RUNDC3B: variants seen among roughly 807,000 people sequenced by gnomAD.
RUNDC3B encodes the protein RUN domain-containing protein 3B.
In RUNDC3B, 33 loss-of-function variants were observed where a neutral mutation model predicts 58.4. That is an observed-to-expected ratio of 0.56 (90% CI 0.43 to 0.75). RUNDC3B has a LOEUF of 0.75. RUNDC3B is among the 30% of genes least tolerant of loss of function. The pLI is 0.00. For synonymous variants in RUNDC3B, 193 were observed against 195.2 expected, an observed-to-expected ratio of 0.99 and a Z score of 0.10; for missense variants, 501 against 535.7, an observed-to-expected ratio of 0.94 and a Z score of 0.64.
chr7:87,766,205 C>T (rs560727356), intron 6 of RUNDC3B, among the ~76,000 whole-genome samples: 11 of 152,010 alleles, frequency 7.2e-5, no homozygotes, highest in Non-Finnish European at 1.2e-4. Flanking sequence ...GGTGGGTCTT[C>T]GAAGATGGTT....
At chr7:87,769,239 G>A (rs1034969883) in intron 6 of RUNDC3B, among the ~76,000 whole-genome samples, 13 of 150,102 alleles carry the variant, frequency 8.7e-5, no homozygotes, top group African/African-American at 2.9e-4. Context: ...TTGAACTTCT[G>A]GCCTCAAGTG....
chr7:87,794,982 C>T (rs1473765387), intron 8 of RUNDC3B, among the ~76,000 whole-genome samples: 1 of 152,132 alleles, frequency 6.6e-6, no homozygotes, highest in Non-Finnish European at 1.5e-5. Context: ...CAAAATCAGT[C>T]AAAGACTTAA....
chr7:87,689,354 T>A (rs1167185303), intron 2 of RUNDC3B, among the ~76,000 whole-genome samples: 1 of 152,116 alleles, frequency 6.6e-6, no homozygotes, highest in Non-Finnish European at 1.5e-5. Flanking sequence ...CATTTCCAGT[T>A]TGACCTTGTG....
chr7:87,778,073 C>A, intron 8 of RUNDC3B, 118 bp downstream of exon 8: 1 of 800,652 alleles, frequency 1.2e-6, no homozygotes, highest in Non-Finnish European at 1.9e-6. Context: ...TTCTTTTTCA[C>A]CTACACTTTT....
Position 87,807,493 on chromosome 7 carries a change from C to T in RUNDC3B, c.1077C>T (p.Tyr359=). The T allele has an allele frequency of 6.2e-7, 1 of 1,613,506 alleles. No individual in the cohort carries two copies. ...VNAVALDTLL[Y]RKHNKQWYEK... ...CTGTTGCCTTGGATACGTTGCTTTA[C>T]CGAAAACACAATAAACAGTGGTATG... Residue 359 remains tyrosine (Y), a synonymous_variant, in exon 9 of 11, where the codon TAC becomes TAT. Coordinates refer to ENST00000394654, the MANE Select transcript of RUNDC3B (RefSeq NM_001134405.2).
intron 8 of RUNDC3B, among the ~76,000 whole-genome samples, chr7:87,794,174 C>T (rs964305419): frequency 3.3e-5 from 5 of 152,166 alleles, no homozygotes; most frequent in African/African-American, 4.8e-5. Context: ...CAGTGGCTCA[C>T]GCCTGTAATC....
In RUNDC3B at chr7:87,629,052, GC is replaced by G. The variant is rs1230882880; in HGVS notation, c.122+112del. 4.8e-5 allele frequency: 52 copies of G among 1,084,602 alleles called. 2 individuals carry two copies. In the South Asian group the frequency reaches 2.2e-3, roughly 47 times the overall value. 67.2% of individuals were successfully genotyped at this position (1,084,602 alleles called of 1,614,324 possible). On this transcript the variant is annotated intron_variant, in intron 1 of 10. Coordinates refer to ENST00000394654, the MANE Select transcript of RUNDC3B (RefSeq NM_001134405.2). ...CGGGCATGATGGGCTGCCGCCCAGT[GC>G]CCCCGCCTATGTTGCGCCAGCCAAA...
At chr7:87,652,551 G>A (rs757792135) in intron 2 of RUNDC3B, among the ~76,000 whole-genome samples, 4 of 150,294 alleles carry the variant, frequency 2.7e-5, no homozygotes, top group Non-Finnish European at 4.4e-5. Flanking sequence ...GATACAGTAC[G>A]AATTGTGTTA....
At chr7:87,755,813 G>T (rs1833334974) in intron 6 of RUNDC3B, among the ~76,000 whole-genome samples, 1 of 152,154 alleles carries the variant, frequency 6.6e-6, no homozygotes, top group Admixed American at 6.5e-5. Context: ...ACTGGCATAA[G>T]ACAAGGTTGC....
chr7:87,637,556 C>G (rs1187329504), intron 1 of RUNDC3B, among the ~76,000 whole-genome samples: 1 of 152,008 alleles, frequency 6.6e-6, no homozygotes, highest in Non-Finnish European at 1.5e-5. Flanking sequence ...ATGAACATAA[C>G]CTATTTCTTT....
chr7:87,657,609 G>A (rs1824239794), intron 2 of RUNDC3B, among the ~76,000 whole-genome samples: 2 of 152,072 alleles, frequency 1.3e-5, no homozygotes, highest in Admixed American at 6.6e-5. Context: ...AATGTTGACG[G>A]AACACCACAC....
chr7:87,673,766 T>A (rs1205896919), intron 2 of RUNDC3B, among the ~76,000 whole-genome samples: 1 of 152,218 alleles, frequency 6.6e-6, no homozygotes, highest in Non-Finnish European at 1.5e-5. Context: ...GGTAGTTGTT[T>A]GGAGGTAATA....
At chr7:87,656,150 G>T (rs994753424) in intron 2 of RUNDC3B, among the ~76,000 whole-genome samples, 1 of 151,818 alleles carries the variant, frequency 6.6e-6, no homozygotes, top group Admixed American at 6.6e-5. Flanking sequence ...AGAAAGTGAG[G>T]TAATATGTAT....
intron 4 of RUNDC3B, among the ~76,000 whole-genome samples, chr7:87,730,056 G>A (rs1831487914): frequency 6.6e-6 from 1 of 152,140 alleles, no homozygotes; most frequent in Non-Finnish European, 1.5e-5. Context: ...AGAGCCCTTG[G>A]GCCTTCAATA....
At chr7:87,714,438 T>C (rs1279831741) in intron 4 of RUNDC3B, among the ~76,000 whole-genome samples, 1 of 152,276 alleles carries the variant, frequency 6.6e-6, no homozygotes, top group African/African-American at 2.4e-5. Context: ...AACATAACAT[T>C]TGTATATAGA....
At chr7:87,772,777 A>G (rs984351520) in intron 7 of RUNDC3B, among the ~76,000 whole-genome samples, 2 of 152,182 alleles carry the variant, frequency 1.3e-5, no homozygotes, top group African/African-American at 4.8e-5. Flanking sequence ...CAACACCACC[A>G]TAAAAGTAAA....
At chr7:87,704,179 G>A (rs1428770029) in intron 3 of RUNDC3B, among the ~76,000 whole-genome samples, 4 of 151,616 alleles carry the variant, frequency 2.6e-5, no homozygotes, top group Admixed American at 6.6e-5. Flanking sequence ...CCTCAGCCTC[G>A]CAAAGTGCTG....
intron 3 of RUNDC3B, among the ~76,000 whole-genome samples, chr7:87,708,634 C>CT (rs1351991062): frequency 6.6e-6 from 1 of 151,682 alleles, no homozygotes; most frequent in African/African-American, 2.4e-5. Context: ...CCACTCTGTG[C>CT]TTTTTTTTCT....
chr7:87,691,134 A>G (rs535018260), intron 2 of RUNDC3B, among the ~76,000 whole-genome samples: 1 of 152,140 alleles, frequency 6.6e-6, no homozygotes, highest in Non-Finnish European at 1.5e-5. Context: ...AATTAGAAAC[A>G]TATTCAGTCT....
Sources: allele counts gnomAD v4.1 joint callset (sites outside exome capture counted in the v4.1 genomes callset), GRCh38; gene constraint gnomAD v4.1.1; transcripts MANE v1.5; gene names NCBI Gene and HGNC (gene_info 2026-07-23, HGNC 2026-07-21).